Variants in ULK4 observed in about 807,000 individuals in gnomAD.
ULK4 encodes the protein inactive serine/threonine-protein kinase ULK4.
ULK4 carries 133 observed loss-of-function variants against 160.6 expected under a neutral mutation model. The observed-to-expected ratio is 0.83, with a 90% CI of 0.72 to 0.96. The LOEUF (loss-of-function observed/expected upper bound fraction) is 0.96, where lower values mean the gene tolerates loss of function less well. Among genes scored for constraint, ULK4 ranks in the 40% least tolerant of loss-of-function variants. The pLI, the probability that ULK4 is intolerant of heterozygous loss-of-function variation, is 0.00. For missense variants in ULK4, 1,580 were observed against 1,499.5 expected (o/e 1.05, Z -0.89); for synonymous variants, 534 against 539.8 (o/e 0.99, Z 0.15).
At chr3:41,953,306 T>TACATATA (rs1447473585) in intron 2 of ULK4, among the ~76,000 whole-genome samples, 1 of 91,834 alleles carries the variant, frequency 1.1e-5, no homozygotes, top group Non-Finnish European at 2.1e-5. Flanking sequence ...ATATATATAT[T>TACATATA]TTTTTTTTTT....
intron 21 of ULK4, among the ~76,000 whole-genome samples, chr3:41,781,561 AATG>A (rs1375045647): frequency 6.6e-6 from 1 of 152,252 alleles, no homozygotes; most frequent in Admixed American, 6.5e-5. Context: ...GTAATTACAA[AATG>A]ATATGATGTA....
chr3:41,948,128 T>C (rs1274148339), intron 2 of ULK4, among the ~76,000 whole-genome samples: 1 of 152,142 alleles, frequency 6.6e-6, no homozygotes, highest in Non-Finnish European at 1.5e-5. Flanking sequence ...TCTTGTTCCA[T>C]TAGTGACTGT....
At chr3:41,720,154 T>C (rs1000300368) in intron 22 of ULK4, among the ~76,000 whole-genome samples, 3 of 152,230 alleles carry the variant, frequency 2.0e-5, no homozygotes, top group Non-Finnish European at 4.4e-5. Flanking sequence ...ATAATGTTTG[T>C]CACCCCAGTA....
intron 21 of ULK4, among the ~76,000 whole-genome samples, chr3:41,761,255 A>G (rs1045607498): frequency 2.7e-5 from 4 of 150,772 alleles, no homozygotes; most frequent in African/African-American, 9.7e-5. Flanking sequence ...ATTTCATTAT[A>G]CATAAATTTA....
At chr3:41,661,671 G>C (rs142995820) in intron 30 of ULK4, among the ~76,000 whole-genome samples, 1 of 152,290 alleles carries the variant, frequency 6.6e-6, no homozygotes, top group Non-Finnish European at 1.5e-5. Flanking sequence ...GTGGGGGATG[G>C]AGAAGCCAAG....
intron 3 of ULK4, chr3:41,936,975 G>A (rs1166300738): frequency 4.7e-6 from 1 of 211,796 alleles, no homozygotes; most frequent in Non-Finnish European, 9.3e-6. Flanking sequence ...ACCCTGATGT[G>A]CTTATTACAC....
chr3:41,326,157 A>G (rs1019574217), intron 35 of ULK4, among the ~76,000 whole-genome samples: 3 of 152,220 alleles, frequency 2.0e-5, no homozygotes, highest in African/African-American at 7.2e-5. Flanking sequence ...CCCCAAGAAC[A>G]GACTGCTCTG....
chr3:41,561,466 A>C (rs1315347779), intron 32 of ULK4, among the ~76,000 whole-genome samples: 6 of 152,222 alleles, frequency 3.9e-5, no homozygotes, highest in Non-Finnish European at 8.8e-5. Flanking sequence ...TACCTCTGGT[A>C]GAATTCAGCT....
chr3:41,466,978 G>A (rs2083851165), intron 32 of ULK4, among the ~76,000 whole-genome samples: 1 of 152,082 alleles, frequency 6.6e-6, no homozygotes, highest in African/African-American at 2.4e-5. Flanking sequence ...TCAGGGAAAT[G>A]CAGATTAAAA....
At position 41,384,786 on chromosome 3, in the gene ULK4, T is replaced by C. The variant is rs143010012; in HGVS notation, c.3678+13293A>G. Among the ~76,000 whole-genome samples the C allele has an allele frequency of 2.7e-3, 413 of 152,296 alleles. 2 individuals are homozygous for C. The highest frequency in any genetic ancestry group is 9.4e-3 in the African/African-American group (389 of 41,576). On this transcript the variant is annotated intron_variant, in intron 35 of 36. Coordinates refer to ENST00000301831, the MANE Select transcript of ULK4 (RefSeq NM_017886.4). ...TTTCAGTAGAGATGGAGTTTCACCA[T>C]GTTAGCCAGGTTGGTCTGGAACCCC... is the stretch of plus-strand genomic sequence containing the variant.
At chr3:41,801,534 A>AT (rs1370484387) in intron 19 of ULK4, among the ~76,000 whole-genome samples, 1 of 146,626 alleles carries the variant, frequency 6.8e-6, no homozygotes, top group Non-Finnish European at 1.5e-5. Context: ...GACTGCTTTA[A>AT]AAAAAAAAAA....
intron 16 of ULK4, among the ~76,000 whole-genome samples, chr3:41,894,041 A>G (rs1238607965): frequency 6.6e-6 from 1 of 152,120 alleles, no homozygotes; most frequent in Non-Finnish European, 1.5e-5. Context: ...TTACAATCAA[A>G]CTTCAATTTT....
intron 18 of ULK4, among the ~76,000 whole-genome samples, chr3:41,827,988 G>T (rs937181990): frequency 5.3e-5 from 8 of 151,960 alleles, no homozygotes; most frequent in African/African-American, 1.9e-4. Flanking sequence ...TGCAACGCTG[G>T]TTCAACATAC....
chr3:41,319,222 G>A (rs1020534778), intron 35 of ULK4, among the ~76,000 whole-genome samples: 2 of 152,070 alleles, frequency 1.3e-5, no homozygotes, highest in African/African-American at 4.8e-5. Flanking sequence ...GGGCATCTTC[G>A]TGTGGGGGCA....
intron 21 of ULK4, among the ~76,000 whole-genome samples, chr3:41,775,664 G>T (rs944998376): frequency 3.3e-5 from 5 of 150,638 alleles, no homozygotes; most frequent in African/African-American, 1.2e-4. Context: ...CTCCCAAAGT[G>T]CTGGGATTAC....
chr3:41,610,079 T>G (rs1388036737), intron 31 of ULK4, among the ~76,000 whole-genome samples: 1 of 151,542 alleles, frequency 6.6e-6, no homozygotes, highest in Non-Finnish European at 1.5e-5. Context: ...TGCAGTGGCG[T>G]GATCTCAGCT....
intron 35 of ULK4, among the ~76,000 whole-genome samples, chr3:41,250,192 C>T (rs1174329842): frequency 1.3e-5 from 2 of 152,122 alleles, no homozygotes; most frequent in Admixed American, 6.5e-5. Flanking sequence ...TTTATCTAGA[C>T]CCACAATTCT....
intron 8 of ULK4, 176 bp from the exon 9 acceptor site, chr3:41,913,075 TA>T: frequency 1.8e-6 from 1 of 566,970 alleles, no homozygotes; most frequent in Non-Finnish European, 3.1e-6. Flanking sequence ...GACAGCAAGA[TA>T]AAAAGAAACA....
chr3:41,828,537 C>T (rs1217796793), intron 18 of ULK4, among the ~76,000 whole-genome samples: 1 of 135,254 alleles, frequency 7.4e-6, no homozygotes, highest in African/African-American at 3.3e-5. Context: ...AGTGAACTCC[C>T]ATTCACAACT....
Sources: gnomAD v4.1 joint callset for allele counts (sites outside exome capture counted in the v4.1 genomes callset) on GRCh38, gnomAD v4.1.1 for gene constraint, MANE v1.5 for transcripts, NCBI Gene and HGNC (gene_info 2026-07-23, HGNC 2026-07-21) for gene names.